Variants in CAPSL observed in about 807,000 individuals in gnomAD.
CAPSL encodes the protein calcyphosine like, also known as calcyphosin-like protein.
A neutral mutation model predicts 21.3 loss-of-function variants in CAPSL; 17 were observed. The observed-to-expected ratio is 0.80, with a 90% CI of 0.55 to 1.20. CAPSL has a LOEUF of 1.20. Ranked by LOEUF, CAPSL falls within the 50% of genes most tolerant of loss-of-function variation. CAPSL has a pLI of 0.00. For synonymous variants in CAPSL, 102 were observed against 89.3 expected (o/e 1.14, Z -0.80); for missense variants, 289 against 259.3 (o/e 1.11, Z -0.79).
chr5:35,933,041 G>A (rs536060150), intron 1 of CAPSL, among the ~76,000 whole-genome samples: 5 of 152,236 alleles, frequency 3.3e-5, no homozygotes, highest in East Asian at 1.9e-4. Context: ...GGTCTGTGGC[G>A]GCTTTCACAT....
intron 1 of CAPSL, among the ~76,000 whole-genome samples, chr5:35,937,007 C>T (rs150212161): frequency 6.6e-6 from 1 of 152,322 alleles, no homozygotes; most frequent in African/African-American, 2.4e-5. Context: ...TTATCCTAGA[C>T]TCTTCCTAAC....
intron 2 of CAPSL, among the ~76,000 whole-genome samples, chr5:35,912,943 G>A (rs1358606010): frequency 6.6e-6 from 1 of 152,074 alleles, no homozygotes; most frequent in African/African-American, 2.4e-5. Context: ...CCATGGCAAA[G>A]AAGTTAAAAA....
chr5:35,905,179 C>T (rs1760648636), intron 4 of CAPSL, among the ~76,000 whole-genome samples: 1 of 152,300 alleles, frequency 6.6e-6, no homozygotes, highest in Non-Finnish European at 1.5e-5. Flanking sequence ...AAAAAGCTTA[C>T]CCCTGCTTCA....
In CAPSL at chr5:35,931,469, C is replaced by T. The variant is rs558846693; in HGVS notation, c.-1+7072G>A. 7.7e-4 allele frequency among the ~76,000 whole-genome samples: 116 copies of T among 151,542 alleles called. 1 individual carries two copies. The East Asian group carries it at 9.5e-3, about 12-fold the overall frequency. On this transcript the variant is annotated intron_variant, in intron 1 of 4. Coordinates refer to ENST00000651391, the MANE Select transcript of CAPSL (RefSeq NM_001042625.2). ...AAAAAAAACAAGGTTTAATAAAATA[C>T]AGAGGCCCCAAGGTTGTAGGGTCCT...
At chr5:35,927,348 T>A (rs1359029864) in intron 1 of CAPSL, among the ~76,000 whole-genome samples, 1 of 152,236 alleles carries the variant, frequency 6.6e-6, no homozygotes, top group Non-Finnish European at 1.5e-5. Flanking sequence ...GGCATTTCTG[T>A]AATTCTTAGA....
rs780139039 is a variant in CAPSL at position 35,909,986 on chromosome 5, G to A, written c.405C>T (p.Asp135=). The change falls in exon 4 of 5, where the codon GAC becomes GAT. Residue 135 remains aspartate, a synonymous_variant. Coordinates refer to ENST00000651391, the MANE Select transcript of CAPSL (RefSeq NM_001042625.2). ...KTGDGVITIE[D]LREVYNAKHH... ...GTTTTGCATTATATACTTCACGAAG[G>A]TCTTCGATTGTTATAACACCATCTC... 6 of 1,613,712 alleles carry A rather than the reference G, an allele frequency of 3.7e-6. No homozygotes were observed. The highest frequency in any genetic ancestry group is 5.1e-6 in the Non-Finnish European group (6 of 1,179,852).
At chr5:35,904,675 G>T in intron 4 of CAPSL, 29 bp from the exon 5 acceptor site, 1 of 1,609,742 alleles carries the variant, frequency 6.2e-7, no homozygotes, top group Non-Finnish European at 8.5e-7. Flanking sequence ...AAACAAAAAC[G>T]AAACTTTGCT....
intron 1 of CAPSL, among the ~76,000 whole-genome samples, chr5:35,931,338 G>A (rs1738818311): frequency 1.3e-5 from 2 of 151,806 alleles, no homozygotes; most frequent in Admixed American, 6.6e-5. Context: ...GTAGAATTTT[G>A]TCAAGTAACA....
At chr5:35,906,325 A>C (rs1760679292) in intron 4 of CAPSL, among the ~76,000 whole-genome samples, 2 of 152,014 alleles carry the variant, frequency 1.3e-5, no homozygotes, top group South Asian at 4.2e-4. Flanking sequence ...AAGTTGAAAA[A>C]CTCAAAACTC....
intron 4 of CAPSL, among the ~76,000 whole-genome samples, chr5:35,906,065 G>A (rs1392360439): frequency 6.6e-6 from 1 of 152,192 alleles, no homozygotes; most frequent in Non-Finnish European, 1.5e-5. Flanking sequence ...TCATTTTACA[G>A]CAAATAGCAA....
chr5:35,913,701 GA>G lies in CAPSL; in HGVS notation c.138-3159del, dbSNP rs1355936182. Among the ~76,000 whole-genome samples the G allele has an allele frequency of 2.6e-5, 4 of 152,142 alleles. No homozygotes were observed. In the East Asian group the frequency reaches 7.7e-4, roughly 29 times the overall value. Reference sequence around the variant, plus strand: ...CCAGGCCTGCCCTAAAAGAGCTCCTGAAGGAAGCACTAAATGTGGAAAGGAA... The same window carrying G: ...CCAGGCCTGCCCTAAAAGAGCTCCTGAGGAAGCACTAAATGTGGAAAGGAA... On this transcript the variant is annotated intron_variant, in intron 2 of 4. Transcript: ENST00000651391.
intron 1 of CAPSL, among the ~76,000 whole-genome samples, chr5:35,935,943 C>T (rs1361684400): frequency 1.3e-5 from 2 of 152,156 alleles, no homozygotes; most frequent in African/African-American, 2.4e-5. Flanking sequence ...GACTGAAGTG[C>T]AGCTGAATAA....
chr5:35,909,843 C>G, intron 4 of CAPSL, 23 bp downstream of exon 4: 1 of 1,578,120 alleles, frequency 6.3e-7, no homozygotes, highest in Non-Finnish European at 8.6e-7. Context: ...GAAATTTCCC[C>G]TAGATTAGGC....
chr5:35,930,395 A>G (rs1738790094), intron 1 of CAPSL, among the ~76,000 whole-genome samples: 1 of 152,232 alleles, frequency 6.6e-6, no homozygotes. Flanking sequence ...TATTTTATAA[A>G]TATCATTGTG....
intron 1 of CAPSL, among the ~76,000 whole-genome samples, chr5:35,922,944 C>G (rs1738576068): frequency 6.6e-6 from 1 of 152,152 alleles, no homozygotes; most frequent in South Asian, 2.1e-4. Context: ...TTGCCCTGAC[C>G]ATATTCTGCT....
intron 2 of CAPSL, among the ~76,000 whole-genome samples, chr5:35,914,106 C>T (rs1738304956): frequency 6.6e-6 from 1 of 152,046 alleles, no homozygotes; most frequent in Non-Finnish European, 1.5e-5. Flanking sequence ...TAAAAAGAGA[C>T]AAAGAAGGCC....
chr5:35,930,168 A>T (rs1049231603), intron 1 of CAPSL, among the ~76,000 whole-genome samples: 15 of 152,198 alleles, frequency 9.9e-5, no homozygotes, highest in African/African-American at 3.4e-4. Context: ...CTGTGGAAAT[A>T]AGATGTCACC....
intron 1 of CAPSL, among the ~76,000 whole-genome samples, chr5:35,926,758 A>T (rs58686567): frequency 3.9e-4 from 59 of 152,288 alleles, no homozygotes; most frequent in African/African-American, 1.4e-3. Flanking sequence ...AACCCTAGAG[A>T]TCGTTGATCC....
intron 1 of CAPSL, among the ~76,000 whole-genome samples, chr5:35,923,998 A>G (rs1467623441): frequency 2.0e-5 from 3 of 150,400 alleles, no homozygotes; most frequent in Admixed American, 6.6e-5. Context: ...AAGTAAATAC[A>G]TACAACTTTA....
Sources: gnomAD v4.1 joint callset for allele counts (sites outside exome capture counted in the v4.1 genomes callset) on GRCh38, gnomAD v4.1.1 for gene constraint, MANE v1.5 for transcripts, NCBI Gene and HGNC (gene_info 2026-07-23, HGNC 2026-07-21) for gene names.